Variants in ARHGAP10 observed in about 807,000 individuals in gnomAD.
ARHGAP10 encodes the protein rho GTPase-activating protein 10.
Under a neutral mutation model 108.6 loss-of-function variants are expected in ARHGAP10, and 87 were observed. That is an observed-to-expected ratio of 0.80 (90% confidence interval 0.67 to 0.96). ARHGAP10 has a LOEUF of 0.96. Among genes scored for constraint, ARHGAP10 ranks in the 40% least tolerant of loss-of-function variants. The pLI, the probability that ARHGAP10 is intolerant of heterozygous loss-of-function variation, is 0.00. For synonymous variants in ARHGAP10, 347 were observed against 341.1 expected (o/e 1.02, Z -0.19); for missense variants, 939 against 954.5 (o/e 0.98, Z 0.21).
intron 1 of ARHGAP10, among the ~76,000 whole-genome samples, chr4:147,789,645 C>A (rs1318070070): frequency 6.6e-6 from 1 of 152,212 alleles, no homozygotes; most frequent in Admixed American, 6.5e-5. Flanking sequence ...ACTGAAGACA[C>A]TTTGGCCACC....
At chr4:147,788,116 G>T (rs750158301) in intron 1 of ARHGAP10, among the ~76,000 whole-genome samples, 5 of 135,618 alleles carry the variant, frequency 3.7e-5, no homozygotes, top group Non-Finnish European at 7.8e-5. Flanking sequence ...ACCATAAATA[G>T]CTCCTTTTAA....
intron 1 of ARHGAP10, among the ~76,000 whole-genome samples, chr4:147,791,573 G>A (rs1226494387): frequency 6.8e-6 from 1 of 148,052 alleles, no homozygotes; most frequent in Non-Finnish European, 1.5e-5. Flanking sequence ...TATATATTTT[G>A]TTTGTTTGTT....
intron 9 of ARHGAP10, among the ~76,000 whole-genome samples, chr4:147,881,188 G>A (rs148485230): frequency 6.6e-6 from 1 of 152,030 alleles, no homozygotes; most frequent in African/African-American, 2.4e-5. Context: ...TCACAGAGTT[G>A]CTTGAACCCA....
intron 20 of ARHGAP10, among the ~76,000 whole-genome samples, chr4:148,053,498 C>G (rs1212762251): frequency 6.6e-6 from 1 of 152,166 alleles, no homozygotes; most frequent in Non-Finnish European, 1.5e-5. Flanking sequence ...GCCTTCTCCC[C>G]CACAGCAGAG....
intron 1 of ARHGAP10, among the ~76,000 whole-genome samples, chr4:147,790,248 T>C (rs1731066047): frequency 6.6e-6 from 1 of 152,102 alleles, no homozygotes; most frequent in Non-Finnish European, 1.5e-5. Context: ...TGAGTCTCCT[T>C]CTCTTACAAT....
intron 19 of ARHGAP10, among the ~76,000 whole-genome samples, chr4:148,026,806 G>C (rs148474147): frequency 6.6e-6 from 1 of 152,182 alleles, no homozygotes; most frequent in Non-Finnish European, 1.5e-5. Context: ...AAAATATGAC[G>C]TAGGCTGCTA....
chr4:147,752,125 T>A (rs1156361748), intron 1 of ARHGAP10, among the ~76,000 whole-genome samples: 1 of 152,150 alleles, frequency 6.6e-6, no homozygotes. Context: ...CCTCATGATC[T>A]GCCTGCCTTG....
chr4:148,012,736 G>A lies in ARHGAP10; in HGVS notation c.1717-10527G>A, dbSNP rs774322175. ...TCAACCCATATATTGCAGAGGCCAC[G>A]TCTCATGTATAACCAGGGGCTGAAT... On this transcript the variant is annotated intron_variant, in intron 18 of 22. Transcript: ENST00000336498. 2.6e-5 allele frequency among the ~76,000 whole-genome samples: 4 copies of A among 152,210 alleles called. No homozygotes were observed. The East Asian group carries it at 5.8e-4, about 22-fold the overall frequency.
chr4:147,891,624 A>C (rs183446063), intron 10 of ARHGAP10, among the ~76,000 whole-genome samples: 148 of 152,332 alleles, frequency 9.7e-4, no homozygotes, highest in Non-Finnish European at 3.1e-4. Flanking sequence ...CTTACATCTC[A>C]ATAGAGCTAT....
chr4:147,948,511 C>T (rs988491450), intron 15 of ARHGAP10, among the ~76,000 whole-genome samples: 12 of 152,160 alleles, frequency 7.9e-5, no homozygotes, highest in African/African-American at 2.9e-4. Flanking sequence ...CCTTCCTCCA[C>T]CACTGGCATT....
At chr4:147,766,128 AT>A (rs903833333) in intron 1 of ARHGAP10, among the ~76,000 whole-genome samples, 9 of 145,684 alleles carry the variant, frequency 6.2e-5, no homozygotes, top group African/African-American at 2.0e-4. Context: ...TGGAAAAAAA[AT>A]AAATAAATAA....
chr4:147,779,436 T>C (rs1188023993), intron 1 of ARHGAP10, among the ~76,000 whole-genome samples: 1 of 152,132 alleles, frequency 6.6e-6, no homozygotes, highest in African/African-American at 2.4e-5. Context: ...TATTGGCATC[T>C]CCTTTCAGTT....
intron 1 of ARHGAP10, among the ~76,000 whole-genome samples, chr4:147,788,320 G>C (rs988551889): frequency 1.3e-5 from 2 of 152,044 alleles, no homozygotes; most frequent in African/African-American, 4.8e-5. Context: ...GGTGGCATGC[G>C]CCTGTAATCT....
At chr4:147,777,251 G>C (rs1477789874) in intron 1 of ARHGAP10, among the ~76,000 whole-genome samples, 3 of 151,618 alleles carry the variant, frequency 2.0e-5, no homozygotes, top group Non-Finnish European at 4.4e-5. Context: ...GTCTGGGTAG[G>C]GTGTGATTTT....
intron 10 of ARHGAP10, among the ~76,000 whole-genome samples, chr4:147,903,202 T>C (rs1047591222): frequency 2.6e-5 from 4 of 152,232 alleles, no homozygotes; most frequent in African/African-American, 7.2e-5. Flanking sequence ...ATGGCGCCAG[T>C]GAGGAGGCTG....
At chr4:147,906,517 G>T in intron 10 of ARHGAP10, 121 bp from the exon 11 acceptor site, 2 of 840,418 alleles carry the variant, frequency 2.4e-6, no homozygotes, top group Non-Finnish European at 3.8e-6. Context: ...ATAAATTTTA[G>T]GTTACATGTA....
chr4:147,798,047 G>C (rs1731389064), intron 1 of ARHGAP10, among the ~76,000 whole-genome samples: 2 of 152,082 alleles, frequency 1.3e-5, no homozygotes. Flanking sequence ...CCCCTGTTCA[G>C]GTGTTTCTTA....
intron 19 of ARHGAP10, among the ~76,000 whole-genome samples, chr4:148,027,598 A>T (rs1390295203): frequency 6.6e-6 from 1 of 152,232 alleles, no homozygotes; most frequent in African/African-American, 2.4e-5. Flanking sequence ...GTAGGAACAT[A>T]TCTTGATCTA....
intron 1 of ARHGAP10, among the ~76,000 whole-genome samples, chr4:147,820,256 C>G (rs1732429376): frequency 6.6e-6 from 1 of 152,076 alleles, no homozygotes; most frequent in African/African-American, 2.4e-5. Context: ...GCATGTTTGC[C>G]TGGTTTACAT....
Sources: allele counts gnomAD v4.1 joint callset (sites outside exome capture counted in the v4.1 genomes callset), GRCh38; gene constraint gnomAD v4.1.1; transcripts MANE v1.5; gene names NCBI Gene and HGNC (gene_info 2026-07-23, HGNC 2026-07-21).